Variants in EPHB1 observed in about 807,000 individuals in gnomAD.
EPHB1 encodes EPH receptor B1.
EPHB1 carries 30 observed loss-of-function variants against 94.4 expected under a neutral mutation model. The ratio of observed to expected loss-of-function variants is 0.32; its 90% CI spans 0.24 to 0.43. The LOEUF is 0.43. Among genes scored for constraint, EPHB1 ranks in the 20% least tolerant of loss-of-function variants. EPHB1 has a pLI of 1.00. For synonymous variants in EPHB1, 522 were observed against 489.1 expected, an observed-to-expected ratio of 1.07 and a Z score of -0.89; for missense variants, 1,055 against 1,308.3, an observed-to-expected ratio of 0.81 and a Z score of 2.99.
At chr3:134,861,368 G>A (rs768484321) in intron 1 of EPHB1, among the ~76,000 whole-genome samples, 170 of 152,280 alleles carry the variant, frequency 1.1e-3, no homozygotes, top group Non-Finnish European at 1.7e-3. Flanking sequence ...ACCTTGGCAG[G>A]CCTGTTTCCT....
chr3:134,914,780 C>A (rs535134475), intron 1 of EPHB1, among the ~76,000 whole-genome samples: 1 of 152,234 alleles, frequency 6.6e-6, no homozygotes, highest in Non-Finnish European at 1.5e-5. Context: ...CAGCAGGGGG[C>A]TTTTACCACC....
intron 1 of EPHB1, among the ~76,000 whole-genome samples, chr3:134,913,871 G>C (rs781520693): frequency 6.6e-6 from 1 of 152,212 alleles, no homozygotes; most frequent in South Asian, 2.1e-4. Context: ...GGTGGTGGTC[G>C]GTGGTGCTGT....
At chr3:134,919,066 C>T (rs2038625933) in intron 1 of EPHB1, among the ~76,000 whole-genome samples, 2 of 151,984 alleles carry the variant, frequency 1.3e-5, no homozygotes, top group Admixed American at 1.3e-4. Flanking sequence ...GGAATGAAGC[C>T]CTGGAGTCAG....
At chr3:135,254,907 C>T (rs1376355264) in intron 15 of EPHB1, among the ~76,000 whole-genome samples, 1 of 152,144 alleles carries the variant, frequency 6.6e-6, no homozygotes, top group Non-Finnish European at 1.5e-5. Flanking sequence ...TGTTATTGGT[C>T]TATTCAGAGA....
At chr3:135,169,747 G>C (rs1293205814) in intron 9 of EPHB1, among the ~76,000 whole-genome samples, 1 of 152,164 alleles carries the variant, frequency 6.6e-6, no homozygotes, top group Non-Finnish European at 1.5e-5. Flanking sequence ...AACTCATTGA[G>C]TCTTCACAAC....
chr3:135,006,404 G>A (rs1487426649), intron 3 of EPHB1, among the ~76,000 whole-genome samples: 3 of 152,080 alleles, frequency 2.0e-5, no homozygotes, highest in Non-Finnish European at 2.9e-5. Context: ...TAGTGGTGGT[G>A]GTGATATAAT....
At chr3:135,031,068 C>T (rs942012662) in intron 3 of EPHB1, among the ~76,000 whole-genome samples, 5 of 152,186 alleles carry the variant, frequency 3.3e-5, no homozygotes, top group Admixed American at 6.5e-5. Flanking sequence ...GGCAATGTCT[C>T]GCCCTGCTTT....
chr3:135,008,739 G>A (rs548007953), intron 3 of EPHB1, among the ~76,000 whole-genome samples: 1 of 152,314 alleles, frequency 6.6e-6, no homozygotes, highest in East Asian at 1.9e-4. Flanking sequence ...AGTGGAAATG[G>A]CATGGGGCCA....
chr3:135,097,328 C>G (rs1293036856), intron 3 of EPHB1, among the ~76,000 whole-genome samples: 1 of 151,950 alleles, frequency 6.6e-6, no homozygotes, highest in Non-Finnish European at 1.5e-5. Flanking sequence ...ATTTTAGGAT[C>G]CAGGCCTGGA....
chr3:134,990,257 A>G (rs1344724661), intron 3 of EPHB1, among the ~76,000 whole-genome samples: 1 of 152,198 alleles, frequency 6.6e-6, no homozygotes, highest in East Asian at 1.9e-4. Flanking sequence ...TGATTTATTT[A>G]TTCTATTTGC....
chr3:134,799,942 G>A (rs1436153657), intron 1 of EPHB1, among the ~76,000 whole-genome samples: 2 of 152,108 alleles, frequency 1.3e-5, no homozygotes, highest in East Asian at 3.8e-4. Context: ...CCCTCCTCTG[G>A]ATCTAGCATG....
At chr3:134,830,032 T>C (rs1468991248) in intron 1 of EPHB1, among the ~76,000 whole-genome samples, 3 of 152,186 alleles carry the variant, frequency 2.0e-5, no homozygotes, top group Non-Finnish European at 2.9e-5. Context: ...TAAGTCTCTG[T>C]TGTGAAAGTC....
At chr3:134,950,300 C>T (rs1244886936) in intron 2 of EPHB1, among the ~76,000 whole-genome samples, 5 of 152,204 alleles carry the variant, frequency 3.3e-5, no homozygotes, top group African/African-American at 1.2e-4. Flanking sequence ...CACCCTCCAG[C>T]ATTTTCCTCC....
At chr3:134,911,521 A>G (rs36210) in intron 1 of EPHB1, among the ~76,000 whole-genome samples, 97,965 of 151,920 alleles carry the variant, frequency 0.64, 34,055 homozygotes, top group African/African-American at 0.91. Context: ...TCCTGGGTAG[A>G]AGTCTGGGGG....
At chr3:134,865,902 A>G (rs2037366606) in intron 1 of EPHB1, among the ~76,000 whole-genome samples, 1 of 152,260 alleles carries the variant, frequency 6.6e-6, no homozygotes, top group South Asian at 2.1e-4. Context: ...TCAACATAAT[A>G]TATGCTTATA....
chr3:134,981,683 C>T (rs1435067377), intron 3 of EPHB1, among the ~76,000 whole-genome samples: 1 of 152,266 alleles, frequency 6.6e-6, no homozygotes, highest in African/African-American at 2.4e-5. Context: ...GTGCACCCAC[C>T]CACCCACTTA....
At chr3:134,817,772 C>T (rs1359386629) in intron 1 of EPHB1, among the ~76,000 whole-genome samples, 3 of 152,200 alleles carry the variant, frequency 2.0e-5, no homozygotes, top group African/African-American at 7.2e-5. Context: ...ACAAGCTGTT[C>T]TTATAATGGT....
intron 1 of EPHB1, among the ~76,000 whole-genome samples, chr3:134,816,710 C>T: frequency 6.6e-6 from 1 of 151,948 alleles, no homozygotes. Flanking sequence ...TCTGGCCCAT[C>T]TATTGCTGGT....
intron 2 of EPHB1, among the ~76,000 whole-genome samples, chr3:134,933,894 G>C (rs1306622091): frequency 6.6e-6 from 1 of 152,086 alleles, no homozygotes; most frequent in Admixed American, 6.5e-5. Context: ...GACATGGGTG[G>C]TGTCCTTTCT....
Sources: allele counts gnomAD v4.1 joint callset (sites outside exome capture counted in the v4.1 genomes callset), GRCh38; gene constraint gnomAD v4.1.1; transcripts MANE v1.5; gene names NCBI Gene and HGNC (gene_info 2026-07-23, HGNC 2026-07-21).